ACTR8: variants seen among roughly 807,000 people sequenced by gnomAD.
ACTR8 encodes the protein actin-related protein 8.
ACTR8 carries 70 observed loss-of-function variants against 84.3 expected under a neutral mutation model. The ratio of observed to expected loss-of-function variants is 0.83; its 90% CI spans 0.68 to 1.01. ACTR8 has a LOEUF of 1.01. Among genes scored for constraint, ACTR8 ranks in the 50% least tolerant of loss-of-function variants. The pLI is 0.00. For missense variants in ACTR8, 672 were observed against 775.4 expected, an observed-to-expected ratio of 0.87 and a Z score of 1.58; for synonymous variants, 268 against 275.2, an observed-to-expected ratio of 0.97 and a Z score of 0.26.
chr3:53,862,333 C>T (rs1362323557), downstream of ACTR8, among the ~76,000 whole-genome samples: 1 of 152,068 alleles, frequency 6.6e-6, no homozygotes, highest in East Asian at 1.9e-4. Flanking sequence ...ACACTATGGA[C>T]GAGAACACCA....
At chr3:53,860,182 G>A in the ACTR8 span, 33 of 1,613,930 alleles carry the variant, frequency 2.0e-5, no homozygotes, top group Non-Finnish European at 2.6e-5. Flanking sequence ...CTCTGCTGGT[G>A]GCCACATGGG....
intron 2 of ACTR8, among the ~76,000 whole-genome samples, chr3:53,879,450 G>C (rs1256235335): frequency 6.6e-6 from 1 of 152,106 alleles, no homozygotes; most frequent in Non-Finnish European, 1.5e-5. Flanking sequence ...ATTACCATCT[G>C]CAACATAGGA....
chr3:53,860,240 A>G, the ACTR8 span: 1 of 1,591,656 alleles, frequency 6.3e-7, no homozygotes, highest in Non-Finnish European at 8.6e-7. Flanking sequence ...TAAGGGTTAT[A>G]ATTCTTTAAA....
downstream of ACTR8, among the ~76,000 whole-genome samples, chr3:53,863,583 T>C (rs887776458): frequency 6.6e-6 from 1 of 152,208 alleles, no homozygotes; most frequent in Non-Finnish European, 1.5e-5. Flanking sequence ...TACAGTAGTT[T>C]CAAACATGGT....
chr3:53,874,980 T>C (rs1369609394), intron 7 of ACTR8, among the ~76,000 whole-genome samples: 1 of 152,182 alleles, frequency 6.6e-6, no homozygotes, highest in Admixed American at 6.5e-5. Flanking sequence ...TGACAGTTGT[T>C]TGGTGGTCTA....
At chr3:53,861,231 G>A in the ACTR8 span, 2 of 151,992 alleles carry the variant, frequency 1.3e-5, no homozygotes, top group African/African-American at 2.4e-5. Flanking sequence ...GGACCCATAC[G>A]AAGTGCCACT....
rs780705587 is a variant in ACTR8, at chr3:53,875,935, C to T, written c.911+13G>A. Reference sequence around the variant, plus strand: ...AAGAGGAAACAGGGAATGCCACCTTCCAAGTTCCTTACCGAGTATTCCGAT... The same window carrying T: ...AAGAGGAAACAGGGAATGCCACCTTTCAAGTTCCTTACCGAGTATTCCGAT... On this transcript the variant is annotated intron_variant, in intron 7 of 12. Transcript: ENST00000335754. 6 of 1,614,034 alleles carry T rather than the reference C, an allele frequency of 3.7e-6. No homozygotes were observed. Among genetic ancestry groups the T allele is most frequent in the Non-Finnish European group, 5.1e-6 (6 of 1,180,008 alleles).
intron 9 of ACTR8, 96 bp downstream of exon 9, chr3:53,872,936 G>C (rs1205934790): frequency 1.0e-6 from 1 of 985,284 alleles, no homozygotes; most frequent in Non-Finnish European, 1.5e-6. Context: ...TTGACATTCT[G>C]ATCTCACAAT....
rs748410665 is a variant in ACTR8, at chr3:53,868,851, G to T, written c.1743C>A (p.Pro581=). 59 of 1,613,914 alleles carry T rather than the reference G, an allele frequency of 3.7e-5. No individual in the cohort carries two copies. The East Asian group carries it at 1.3e-3, about 35-fold the overall frequency. ...CCCCTCCTTTCCATGCAATCAGCCGGGGGTCCATGTCCTACAGAAGGGATG... is the reference window on the plus strand; with the variant it reads ...CCCCTCCTTTCCATGCAATCAGCCGTGGGTCCATGTCCTACAGAAGGGATG... ...DVITRPKDMD[P]RLIAWKGGAV... is the part of the protein sequence containing the mutation. The change falls in exon 13 of 13, where the codon CCC becomes CCA. Residue 581 remains proline, a synonymous_variant. Transcript: ENST00000335754.
At chr3:53,863,535 ATTC>A (rs1466670682), downstream of ACTR8, among the ~76,000 whole-genome samples, 2 of 152,244 alleles carry the variant, frequency 1.3e-5, no homozygotes, top group African/African-American at 4.8e-5. Context: ...GACCTCAGGA[ATTC>A]TTACATTTAG....
intron 8 of ACTR8, 151 bp from the exon 9 acceptor site, chr3:53,873,278 G>C: frequency 2.2e-6 from 1 of 463,402 alleles, no homozygotes; most frequent in Non-Finnish European, 3.9e-6. Context: ...AGTAAAATAG[G>C]AATTAAGTTG....
chr3:53,876,026 C>A lies in ACTR8; in HGVS notation c.833G>T (p.Ser278Ile). The A allele has an allele frequency of 6.2e-7, 1 of 1,614,170 alleles. No homozygotes were observed. The highest frequency in any genetic ancestry group is 1.1e-5 in the South Asian group (1 of 91,082). Residue 278 changes from serine (S) to isoleucine (I), a missense_variant, in exon 7 of 13, where the codon AGC becomes ATC. Transcript: ENST00000335754. ...VCATYGSGLS[S>I]TCIVDVGDQK... Reference sequence around the variant, plus strand: ...GTCCCCAACGTCTACAATACACGTGCTGCTTAAGCCACTTCCATAGGTGGC... The same window carrying A: ...GTCCCCAACGTCTACAATACACGTGATGCTTAAGCCACTTCCATAGGTGGC...
At chr3:53,861,706 G>C in the ACTR8 span, 1 of 152,214 alleles carries the variant, frequency 6.6e-6, no homozygotes, top group Non-Finnish European at 1.5e-5. Flanking sequence ...CTTAAAAACT[G>C]TCAAGATAAC....
chr3:53,863,944 G>A (rs944783550), downstream of ACTR8, among the ~76,000 whole-genome samples: 2 of 151,042 alleles, frequency 1.3e-5, no homozygotes, highest in East Asian at 2.0e-4. Flanking sequence ...CACCTTAGCC[G>A]CCTGAGTAGC....
chr3:53,864,891 C>T (rs1335991800), downstream of ACTR8: 2 of 1,614,198 alleles, frequency 1.2e-6, no homozygotes, highest in South Asian at 1.1e-5. Flanking sequence ...GTGAGGTCAT[C>T]CTTGAAAAGT....
Position 53,868,735 on chromosome 3 carries a change from G to T in ACTR8, c.1859C>A (p.Ala620Asp), listed in dbSNP as rs1442264254. The part of the protein sequence containing the change: ...RFGVRMLRER[A>D]AFVW ...CCTCCCCATTCACCACACAAACGCA[G>T]CCCGCTCTCGTAACATGCGGACACC... Residue 620 changes from alanine (A) to aspartate (D), a missense_variant, in exon 13 of 13, where the codon GCT (alanine) becomes GAT (aspartate). Ala to Asp is a moderately radical substitution (Grantham distance 126, BLOSUM62 -2). Coordinates refer to ENST00000335754, the MANE Select transcript of ACTR8 (RefSeq NM_022899.5). The T allele has an allele frequency of 6.2e-7, 1 of 1,614,090 alleles. No homozygotes were observed. Among genetic ancestry groups the T allele is most frequent in the South Asian group, 1.1e-5 (1 of 91,060 alleles).
chr3:53,875,434 G>C (rs1699950663), intron 7 of ACTR8, among the ~76,000 whole-genome samples: 1 of 152,164 alleles, frequency 6.6e-6, no homozygotes, highest in African/African-American at 2.4e-5. Flanking sequence ...GCCTGAAGAA[G>C]GACAAGCTGC....
At position 53,870,349 on chromosome 3, in the gene ACTR8, TAGGATCAAAATCTTTAA is replaced by T; in HGVS notation, c.1568-221_1568-205del. The T allele has an allele frequency of 1.7e-6, 1 of 604,910 alleles. No individual in the cohort carries two copies. Among genetic ancestry groups the T allele is most frequent in the South Asian group, 2.1e-5 (1 of 46,652 alleles). The allele number at this position is 604,910 out of a possible 1,614,324, so 37.5% of individuals were successfully genotyped here. On this transcript the variant is annotated intron_variant, in intron 11 of 12. Coordinates refer to ENST00000335754, the MANE Select transcript of ACTR8 (RefSeq NM_022899.5). The surrounding 1 kb of genome is among the most constrained non-coding windows in gnomAD (Gnocchi z 4.1). ...GCCACCGCAATCCTACTTGCAGGAT[TAGGATCAAAATCTTTAA>T]AGGAGGCCGAGCATGGTGGCTCACG...
chr3:53,876,056 A>G lies in ACTR8; in HGVS notation c.803T>C (p.Val268Ala). The change falls in exon 7 of 13, where the codon GTG (valine) becomes GCG (alanine). Residue 268 changes from valine (V) to alanine (A), a missense_variant. Coordinates refer to ENST00000335754, the MANE Select transcript of ACTR8 (RefSeq NM_022899.5). ...TAAGCCACTTCCATAGGTGGCACAC[A>G]CAGACTCCTGATGGACCACAATCCC... ...FSGIVVHQES[V>A]CATYGSGLSS... 2 of 1,611,434 alleles carry G rather than the reference A, an allele frequency of 1.2e-6. No individual in the cohort carries two copies. The highest frequency in any genetic ancestry group is 1.1e-5 in the South Asian group (1 of 90,892).
Sources: gnomAD v4.1 joint callset for allele counts (sites outside exome capture counted in the v4.1 genomes callset) on GRCh38, gnomAD v4.1.1 for gene constraint, Gnocchi (gnomAD v3.1) non-coding constraint, MANE v1.5 for transcripts, NCBI Gene and HGNC (gene_info 2026-07-23, HGNC 2026-07-21) for gene names.